CELF2: variants seen among roughly 807,000 people sequenced by gnomAD.
CELF2 encodes CUGBP Elav-like family member 2.
Under a neutral mutation model 62.6 loss-of-function variants are expected in CELF2, and 8 were observed. The observed-to-expected ratio is 0.13, with a 90% CI of 0.07 to 0.23. CELF2 has a LOEUF of 0.23. Ranked by LOEUF, CELF2 falls within the 10% of genes least tolerant of loss-of-function variation. The pLI is 1.00. For missense variants in CELF2, 333 were observed against 671.0 expected (o/e 0.50, Z 5.56); for synonymous variants, 258 against 250.0 (o/e 1.03, Z -0.30).
the CELF2 span, among the ~76,000 whole-genome samples, chr10:10,571,489 CT>C: frequency 1.3e-5 from 2 of 151,208 alleles, no homozygotes; most frequent in Non-Finnish European, 2.9e-5. Flanking sequence ...GGCAAATAGG[CT>C]TTTGCCACAC....
chr10:11,176,149 T>C (rs2071014295), intron 2 of CELF2, among the ~76,000 whole-genome samples: 1 of 152,186 alleles, frequency 6.6e-6, no homozygotes, highest in South Asian at 2.1e-4. Flanking sequence ...CGTTTTTTCC[T>C]TTCGGTTACA....
intron 9 of CELF2, among the ~76,000 whole-genome samples, chr10:11,295,060 C>T (rs955888074): frequency 9.2e-5 from 14 of 152,252 alleles, no homozygotes; most frequent in African/African-American, 3.1e-4. Context: ...CAAGTTTCAA[C>T]ATTTTACACT....
intron 9 of CELF2, among the ~76,000 whole-genome samples, chr10:11,310,445 T>G (rs2094503381): frequency 6.6e-6 from 1 of 152,190 alleles, no homozygotes; most frequent in African/African-American, 2.4e-5. Flanking sequence ...TTGATAAATC[T>G]TCTTGAGAAA....
chr10:10,729,692 T>G, the CELF2 span, among the ~76,000 whole-genome samples: 7 of 152,148 alleles, frequency 4.6e-5, no homozygotes, highest in Admixed American at 1.3e-4. Context: ...GGCACAAGAA[T>G]TGCTTGAACC....
chr10:10,686,030 C>T, the CELF2 span, among the ~76,000 whole-genome samples: 1 of 152,186 alleles, frequency 6.6e-6, no homozygotes, highest in Non-Finnish European at 1.5e-5. Context: ...ACGCAAACCG[C>T]ACCTAACTTT....
At chr10:10,484,953 A>G in the CELF2 span, among the ~76,000 whole-genome samples, 1 of 152,130 alleles carries the variant, frequency 6.6e-6, no homozygotes, top group South Asian at 2.1e-4. Flanking sequence ...CTTTTCAGAT[A>G]GCTTCTGGAT....
At chr10:10,475,976 TG>T in the CELF2 span, among the ~76,000 whole-genome samples, 1 of 152,092 alleles carries the variant, frequency 6.6e-6, no homozygotes, top group Non-Finnish European at 1.5e-5. Flanking sequence ...CTTGGGCACC[TG>T]GTTCTGCTAA....
intron 2 of CELF2, among the ~76,000 whole-genome samples, chr10:10,970,988 TGAAG>T (rs2050694839): frequency 1.3e-5 from 2 of 152,198 alleles, no homozygotes; most frequent in African/African-American, 2.4e-5. Context: ...TGACATTGAA[TGAAG>T]GGAGTATTAT....
intron 1 of CELF2, among the ~76,000 whole-genome samples, chr10:11,150,806 T>C (rs981061920): frequency 2.0e-5 from 3 of 152,266 alleles, no homozygotes; most frequent in Admixed American, 6.5e-5. Flanking sequence ...GCAAATGTTA[T>C]GAATTCAGGA....
the CELF2 span, among the ~76,000 whole-genome samples, chr10:10,649,838 G>A: frequency 1.3e-5 from 2 of 152,212 alleles, no homozygotes; most frequent in African/African-American, 4.8e-5. Flanking sequence ...CGAGGACAGA[G>A]TGATGCCTGA....
chr10:10,473,707 G>T, the CELF2 span, among the ~76,000 whole-genome samples: 1 of 151,982 alleles, frequency 6.6e-6, no homozygotes, highest in South Asian at 2.1e-4. Context: ...TTACTATGCA[G>T]ATCAAAGGAA....
At chr10:10,773,777 T>A in the CELF2 span, among the ~76,000 whole-genome samples, 2 of 152,194 alleles carry the variant, frequency 1.3e-5, no homozygotes. Context: ...ACCTTGACCT[T>A]TTCCCTGTCT....
At chr10:10,867,790 GC>G (rs1405127379) in intron 1 of CELF2, among the ~76,000 whole-genome samples, 1 of 152,168 alleles carries the variant, frequency 6.6e-6, no homozygotes, top group Non-Finnish European at 1.5e-5. Context: ...AAAAATCCCA[GC>G]CCCAGGCTGA....
the CELF2 span, among the ~76,000 whole-genome samples, chr10:10,595,915 A>T: frequency 6.6e-6 from 1 of 152,214 alleles, no homozygotes; most frequent in South Asian, 2.1e-4. Flanking sequence ...AAAAGATGGT[A>T]TACATATTAC....
chr10:10,804,880 G>A (rs1475184), intron 1 of CELF2, among the ~76,000 whole-genome samples: 17,796 of 152,154 alleles, frequency 0.12, 1,421 homozygotes, highest in East Asian at 0.34. Context: ...AGGAGAGCAC[G>A]CTGTGTAAGT....
chr10:10,710,097 G>A, the CELF2 span, among the ~76,000 whole-genome samples: 1 of 152,188 alleles, frequency 6.6e-6, no homozygotes, highest in Non-Finnish European at 1.5e-5. Flanking sequence ...ATACAGTCAT[G>A]AAAACTCACT....
chr10:10,945,718 A>C (rs2047592264), intron 2 of CELF2, among the ~76,000 whole-genome samples: 2 of 152,212 alleles, frequency 1.3e-5, no homozygotes, highest in Non-Finnish European at 2.9e-5. Context: ...AGTCACTGGC[A>C]TGAGCCCTGT....
At chr10:10,476,539 C>A in the CELF2 span, among the ~76,000 whole-genome samples, 5 of 152,102 alleles carry the variant, frequency 3.3e-5, no homozygotes, top group Admixed American at 6.6e-5. Context: ...TAGCTATGCC[C>A]TTTTCCTACT....
intron 9 of CELF2, among the ~76,000 whole-genome samples, chr10:11,307,021 C>G (rs1232511922): frequency 1.3e-5 from 2 of 152,246 alleles, no homozygotes; most frequent in Non-Finnish European, 2.9e-5. Context: ...AAGGAGTTCT[C>G]TGTCCAACTC....
Sources: gnomAD v4.1 joint callset for allele counts (sites outside exome capture counted in the v4.1 genomes callset) on GRCh38, gnomAD v4.1.1 for gene constraint, MANE v1.5 for transcripts, NCBI Gene and HGNC (gene_info 2026-07-23, HGNC 2026-07-21) for gene names.